SPAG6: variants seen among roughly 807,000 people sequenced by gnomAD.
The protein encoded by SPAG6 is sperm associated antigen 6, also known as sperm-associated antigen 6.
In SPAG6, 49 loss-of-function variants were observed where a neutral mutation model predicts 58.5. The observed-to-expected ratio is 0.84, with a 90% CI of 0.67 to 1.06. The LOEUF (loss-of-function observed/expected upper bound fraction) is 1.06, where lower values mean the gene tolerates loss of function less well. SPAG6 is among the 50% of genes least tolerant of loss of function. The pLI, the probability that SPAG6 is intolerant of heterozygous loss-of-function variation, is 0.00. For missense variants in SPAG6, 560 were observed against 611.3 expected, an observed-to-expected ratio of 0.92 and a Z score of 0.89; for synonymous variants, 233 against 225.6, an observed-to-expected ratio of 1.03 and a Z score of -0.29.
chr10:22,384,118 G>A (rs1347092501), intron 4 of SPAG6, among the ~76,000 whole-genome samples: 1 of 152,166 alleles, frequency 6.6e-6, no homozygotes, highest in Admixed American at 6.5e-5. Context: ...GTACCCAGAT[G>A]TTTTTCATTT....
chr10:22,351,821 G>A (rs942556138), intron 2 of SPAG6, among the ~76,000 whole-genome samples: 2 of 152,078 alleles, frequency 1.3e-5, no homozygotes, highest in Non-Finnish European at 2.9e-5. Context: ...TATGATCCAT[G>A]CTTTCTTTCA....
intron 8 of SPAG6, among the ~76,000 whole-genome samples, chr10:22,396,906 A>G (rs1834306108): frequency 6.6e-6 from 1 of 152,210 alleles, no homozygotes; most frequent in African/African-American, 2.4e-5. Flanking sequence ...ATCGTCATAT[A>G]TTGTATCTAA....
intron 4 of SPAG6, among the ~76,000 whole-genome samples, chr10:22,369,477 G>A (rs2132055918): frequency 6.6e-6 from 1 of 152,292 alleles, no homozygotes; most frequent in East Asian, 1.9e-4. Flanking sequence ...CATCAATGAA[G>A]ATCTTTTTAA....
intron 8 of SPAG6, among the ~76,000 whole-genome samples, chr10:22,392,575 C>T (rs1292629627): frequency 1.3e-5 from 2 of 151,964 alleles, no homozygotes; most frequent in Non-Finnish European, 2.9e-5. Flanking sequence ...TGTTTTCCAG[C>T]ATAGTTCCTA....
intron 9 of SPAG6, among the ~76,000 whole-genome samples, chr10:22,407,086 T>G (rs1229003915): frequency 6.6e-6 from 1 of 152,008 alleles, no homozygotes. Flanking sequence ...CTTGACTCTT[T>G]ATCCAATTTG....
intron 2 of SPAG6, among the ~76,000 whole-genome samples, chr10:22,352,324 A>C (rs757987610): frequency 1.3e-5 from 2 of 152,164 alleles, no homozygotes; most frequent in Non-Finnish European, 2.9e-5. Context: ...AGGCTAGATT[A>C]TATTAGTTTC....
intron 4 of SPAG6, among the ~76,000 whole-genome samples, chr10:22,371,177 G>A (rs1833677461): frequency 6.6e-6 from 1 of 152,156 alleles, no homozygotes; most frequent in Admixed American, 6.5e-5. Flanking sequence ...GAAGGAAAGG[G>A]AATTGTTACC....
chr10:22,381,705 T>G (rs1833962361), intron 4 of SPAG6, among the ~76,000 whole-genome samples: 1 of 152,162 alleles, frequency 6.6e-6, no homozygotes, highest in African/African-American at 2.4e-5. Context: ...ACAACCATAC[T>G]TATACTATGC....
chr10:22,376,579 A>G (rs546146892), intron 4 of SPAG6, among the ~76,000 whole-genome samples: 3 of 152,210 alleles, frequency 2.0e-5, no homozygotes, highest in Admixed American at 6.5e-5. Context: ...ACATACGTGT[A>G]TACAAACATA....
intron 8 of SPAG6, among the ~76,000 whole-genome samples, chr10:22,394,389 TTTAAGATAA>T (rs1834246295): frequency 6.6e-6 from 1 of 152,200 alleles, no homozygotes; most frequent in African/African-American, 2.4e-5. Context: ...TAAAACTATG[TTTAAGATAA>T]TTATTTAATT....
At position 22,416,661 on chromosome 10, in the gene SPAG6, G is replaced by A. The variant is rs1834872250; in HGVS notation, c.1503G>A (p.Val501=). ...ATTCAGATACACTTCTGCAGAGGGT[G>A]GACAGCTATCAACCACTTAATAACT... ...PGYSDTLLQR[V]DSYQPLNN Residue 501 remains valine, a synonymous_variant, in exon 11 of 11, where the codon GTG becomes GTA. Coordinates refer to ENST00000376624, the MANE Select transcript of SPAG6 (RefSeq NM_012443.4). 9 of 1,609,002 alleles carry A rather than the reference G, an allele frequency of 5.6e-6. No homozygotes were observed. Among genetic ancestry groups the A allele is most frequent in the Non-Finnish European group, 7.7e-6 (9 of 1,175,858 alleles).
chr10:22,409,132 G>A (rs888149730), intron 9 of SPAG6, among the ~76,000 whole-genome samples: 4 of 152,064 alleles, frequency 2.6e-5, no homozygotes, highest in Non-Finnish European at 4.4e-5. Flanking sequence ...GTTCCTATTC[G>A]GCCATCTTGG....
At chr10:22,373,799 A>AT (rs1564367887) in intron 4 of SPAG6, among the ~76,000 whole-genome samples, 2 of 152,166 alleles carry the variant, frequency 1.3e-5, no homozygotes, top group African/African-American at 4.8e-5. Flanking sequence ...GTGGGATAAC[A>AT]TATATTATAT....
At chr10:22,388,953 A>G (rs1834125737) in intron 6 of SPAG6, among the ~76,000 whole-genome samples, 1 of 152,172 alleles carries the variant, frequency 6.6e-6, no homozygotes, top group Non-Finnish European at 1.5e-5. Context: ...AAATTGAACC[A>G]CAGAGTAAAG....
intron 4 of SPAG6, among the ~76,000 whole-genome samples, chr10:22,376,653 G>T (rs908545524): frequency 6.6e-5 from 10 of 152,074 alleles, no homozygotes; most frequent in Non-Finnish European, 1.3e-4. Flanking sequence ...GTGTGTGTGT[G>T]TATGACCTGT....
chr10:22,387,049 A>G, intron 5 of SPAG6, 90 bp downstream of exon 5: 1 of 956,174 alleles, frequency 1.0e-6, no homozygotes. Context: ...GCATCTAAAA[A>G]TAATTAGCAA....
intron 8 of SPAG6, among the ~76,000 whole-genome samples, chr10:22,396,128 C>T (rs1018525457): frequency 1.3e-5 from 2 of 152,104 alleles, no homozygotes; most frequent in African/African-American, 4.8e-5. Context: ...GGGGGAGGTG[C>T]TACATGCTTT....
Position 22,346,874 on chromosome 10 carries a change from T to C in SPAG6, c.121+1056T>C, listed in dbSNP as rs562515542. Reference sequence around the variant, plus strand: ...CTAAACGCATTTTAGTTTGAAATAATTGTAGATTCACAACTGTAAGGGATA... The same window carrying C: ...CTAAACGCATTTTAGTTTGAAATAACTGTAGATTCACAACTGTAAGGGATA... On this transcript the variant is annotated intron_variant, in intron 2 of 10. Coordinates refer to ENST00000376624, the MANE Select transcript of SPAG6 (RefSeq NM_012443.4). Among the ~76,000 whole-genome samples, 12 of 152,326 alleles carry C rather than the reference T, an allele frequency of 7.9e-5. No homozygotes were observed. In the South Asian group the frequency reaches 2.3e-3, roughly 29 times the overall value.
rs1430089116 is a variant in SPAG6, at chr10:22,391,931, A to G, written c.1197+11A>G. On this transcript the variant is annotated intron_variant, in intron 8 of 10. Coordinates refer to ENST00000376624, the MANE Select transcript of SPAG6 (RefSeq NM_012443.4). Reference sequence around the variant, plus strand: ...GATCTCCAAGTAAAAGTAAGTGCTTAATTCTGTTTTATGAAGATTTTGGCT... The same window carrying G: ...GATCTCCAAGTAAAAGTAAGTGCTTGATTCTGTTTTATGAAGATTTTGGCT... The G allele has an allele frequency of 6.3e-7, 1 of 1,588,528 alleles. No individual in the cohort carries two copies. Among genetic ancestry groups the G allele is most frequent in the Admixed American group, 1.7e-5 (1 of 57,328 alleles).
Sources: allele counts gnomAD v4.1 joint callset (sites outside exome capture counted in the v4.1 genomes callset), GRCh38; gene constraint gnomAD v4.1.1; transcripts MANE v1.5; gene names NCBI Gene and HGNC (gene_info 2026-07-23, HGNC 2026-07-21).